The following HECTD2 variants were observed in gnomAD, a reference collection of about 807,000 sequenced individuals.
HECTD2 encodes the protein HECT domain E3 ubiquitin protein ligase 2, also known as probable E3 ubiquitin-protein ligase HECTD2.
Under a neutral mutation model 103.2 loss-of-function variants are expected in HECTD2, and 35 were observed. The ratio of observed to expected loss-of-function variants is 0.34; its 90% confidence interval spans 0.26 to 0.45. The LOEUF is 0.45. Ranked by LOEUF, HECTD2 falls within the 20% of genes least tolerant of loss-of-function variation. The pLI is 1.00. For missense variants in HECTD2, 596 were observed against 937.4 expected, an observed-to-expected ratio of 0.64 and a Z score of 4.76; for synonymous variants, 281 against 329.9, an observed-to-expected ratio of 0.85 and a Z score of 1.61.
intron 5 of HECTD2, among the ~76,000 whole-genome samples, chr10:91,476,583 G>A (rs1008124657): frequency 7.2e-5 from 11 of 152,174 alleles, no homozygotes; most frequent in Non-Finnish European, 1.5e-4. Context: ...AGGATATGGC[G>A]CAATGCCACC....
intron 6 of HECTD2, among the ~76,000 whole-genome samples, chr10:91,480,567 T>C (rs1846055888): frequency 6.6e-6 from 1 of 152,060 alleles, no homozygotes; most frequent in Non-Finnish European, 1.5e-5. Flanking sequence ...CAAAAGCTCT[T>C]GGCCAAATCT....
intron 3 of HECTD2, 34 bp downstream of exon 3, chr10:91,460,599 C>G (rs1370515759): frequency 6.3e-7 from 1 of 1,576,098 alleles, no homozygotes; most frequent in Non-Finnish European, 8.6e-7. Flanking sequence ...AATGTATAGT[C>G]ATCTGCATGT....
chr10:91,461,549 GTTGTT>G (rs955107563), intron 4 of HECTD2, among the ~76,000 whole-genome samples, 193 bp downstream of exon 4: 9 of 151,818 alleles, frequency 5.9e-5, no homozygotes, highest in South Asian at 4.2e-4. Flanking sequence ...TTTTGAGGGG[GTTGTT>G]TTGTTTTGTT....
intron 10 of HECTD2, chr10:91,485,584 T>C (rs1352348529): frequency 4.2e-6 from 1 of 238,818 alleles, no homozygotes; most frequent in Non-Finnish European, 7.9e-6. Flanking sequence ...TACTATTCTA[T>C]GCACAGGGGT....
At chr10:91,503,825 G>C (rs1847020973) in intron 20 of HECTD2, among the ~76,000 whole-genome samples, 1 of 152,172 alleles carries the variant, frequency 6.6e-6, no homozygotes, top group Admixed American at 6.5e-5. Context: ...CTGGGGGCAG[G>C]GCACAGACAA....
rs777456737 is a variant in HECTD2 at position 91,512,250 on chromosome 10, A to AT, written c.2211-7dup. On this transcript the variant is annotated splice_polypyrimidine_tract_variant and intron_variant, in intron 20 of 20. Transcript: ENST00000298068. ...TTTCAAGACTTAGTATTTTTTTTTA[A>AT]TTTTTTTCCCTAGCTTACCTGTGGC... 2.7e-5 allele frequency: 44 copies of AT among 1,600,608 alleles called. No homozygotes were observed. Among genetic ancestry groups the AT allele is most frequent in the Middle Eastern group, 1.7e-4 (1 of 5,980 alleles).
intron 1 of HECTD2, among the ~76,000 whole-genome samples, chr10:91,417,972 A>C (rs1344657025): frequency 6.6e-6 from 1 of 152,178 alleles, no homozygotes; most frequent in Admixed American, 6.5e-5. Context: ...ACTAGTTTAC[A>C]GTCCCACCAA....
chr10:91,426,408 A>G (rs1296323455), intron 2 of HECTD2, among the ~76,000 whole-genome samples: 1 of 152,088 alleles, frequency 6.6e-6, no homozygotes, highest in Non-Finnish European at 1.5e-5. Flanking sequence ...CATGTCCATA[A>G]GCTGCATGTG....
chr10:91,466,202 G>A (rs1845526003), intron 5 of HECTD2, among the ~76,000 whole-genome samples: 1 of 152,098 alleles, frequency 6.6e-6, no homozygotes, highest in Admixed American at 6.5e-5. Context: ...TATCAAATTT[G>A]TGAGCATAGA....
At chr10:91,476,183 C>A (rs1277170034) in intron 5 of HECTD2, among the ~76,000 whole-genome samples, 1 of 152,162 alleles carries the variant, frequency 6.6e-6, no homozygotes, top group Non-Finnish European at 1.5e-5. Flanking sequence ...ACTTTAATAA[C>A]CATGTCCTTG....
At chr10:91,483,521 C>A (rs1846167658) in intron 8 of HECTD2, among the ~76,000 whole-genome samples, 1 of 151,908 alleles carries the variant, frequency 6.6e-6, no homozygotes, top group Non-Finnish European at 1.5e-5. Context: ...CCATCAATAT[C>A]AATTTGTAAA....
chr10:91,460,316 G>A (rs1845290496), intron 2 of HECTD2, 111 bp from the exon 3 acceptor site: 4 of 979,374 alleles, frequency 4.1e-6, no homozygotes, highest in South Asian at 1.8e-5. Context: ...CAAAGTGAAT[G>A]TAATACAAAA....
At position 91,412,354 on chromosome 10, in the gene HECTD2, A is replaced by G. The variant is rs537458415; in HGVS notation, c.138+1778A>G. 3.3e-5 allele frequency among the ~76,000 whole-genome samples: 5 copies of G among 152,350 alleles called. No homozygotes were observed. In the South Asian group the frequency reaches 1.0e-3, roughly 32 times the overall value. On this transcript the variant is annotated intron_variant, in intron 1 of 20. Transcript: ENST00000298068. The stretch of plus-strand genomic sequence containing the variant: ...TATGGACTTGTACTACTAGACAAAG[A>G]GAAGAATATATTCAAGAAAAAAATT...
intron 5 of HECTD2, among the ~76,000 whole-genome samples, chr10:91,473,989 TC>T (rs1845819327): frequency 6.6e-6 from 1 of 152,142 alleles, no homozygotes; most frequent in South Asian, 2.1e-4. Flanking sequence ...AAAATTGATG[TC>T]TAATGTGTGT....
At position 91,487,209 on chromosome 10, in the gene HECTD2, T is replaced by G. The variant is rs1846297228; in HGVS notation, c.1095-473T>G. On this transcript the variant is annotated intron_variant, in intron 10 of 20. Transcript: ENST00000298068. The surrounding 1 kb of genome is among the most constrained non-coding windows in gnomAD (Gnocchi z 4.1). ...GATTTATTTTTATTGGTCTTAAATATATTACTTTACTTTTTACATACTGTA... is the reference window on the plus strand; with the variant it reads ...GATTTATTTTTATTGGTCTTAAATAGATTACTTTACTTTTTACATACTGTA... 3 of 171,030 alleles carry G rather than the reference T, an allele frequency of 1.8e-5. No homozygotes were observed. Among genetic ancestry groups the G allele is most frequent in the Non-Finnish European group, 3.8e-5 (3 of 78,132 alleles). 10.6% of individuals were successfully genotyped at this position (171,030 alleles called of 1,614,324 possible).
At chr10:91,412,842 T>C (rs1190706618) in intron 1 of HECTD2, among the ~76,000 whole-genome samples, 1 of 152,020 alleles carries the variant, frequency 6.6e-6, no homozygotes, top group African/African-American at 2.4e-5. Context: ...TTACAGCAGC[T>C]AGGAAGGCCT....
At chr10:91,431,695 T>C (rs1211219405) in intron 2 of HECTD2, among the ~76,000 whole-genome samples, 1 of 152,106 alleles carries the variant, frequency 6.6e-6, no homozygotes, top group Non-Finnish European at 1.5e-5. Flanking sequence ...TTCTGCATTC[T>C]TCACGTGGTT....
chr10:91,469,154 G>A (rs937418059), intron 5 of HECTD2, among the ~76,000 whole-genome samples: 3 of 152,164 alleles, frequency 2.0e-5, no homozygotes, highest in Non-Finnish European at 2.9e-5. Context: ...GAAAGAGAGG[G>A]AGAGAAAGCA....
At chr10:91,473,381 G>A (rs2133247980) in intron 5 of HECTD2, among the ~76,000 whole-genome samples, 1 of 152,216 alleles carries the variant, frequency 6.6e-6, no homozygotes, top group Middle Eastern at 3.4e-3. Flanking sequence ...AAGAATGAGG[G>A]TGACTTAAAG....
Sources: gnomAD v4.1 joint callset for allele counts (sites outside exome capture counted in the v4.1 genomes callset) on GRCh38, gnomAD v4.1.1 for gene constraint, Gnocchi (gnomAD v3.1) non-coding constraint, MANE v1.5 for transcripts, NCBI Gene and HGNC (gene_info 2026-07-23, HGNC 2026-07-21) for gene names.